GYS1: variants seen among roughly 807,000 people sequenced by gnomAD.
GYS1 encodes the protein glycogen [starch] synthase, muscle.
In GYS1, 60 loss-of-function variants were observed where a neutral mutation model predicts 89.1. That is an observed-to-expected ratio of 0.67 (90% CI 0.55 to 0.84). GYS1 has a LOEUF of 0.84. Among genes scored for constraint, GYS1 ranks in the 40% least tolerant of loss-of-function variants. The probability of loss-of-function intolerance (pLI) is 0.00; values close to 1 mark genes in which losing one functional copy is unlikely to be tolerated. For missense variants in GYS1, 888 were observed against 1,003.1 expected, an observed-to-expected ratio of 0.89 and a Z score of 1.55; for synonymous variants, 366 against 401.7, an observed-to-expected ratio of 0.91 and a Z score of 1.06.
intron 7 of GYS1, 43 bp downstream of exon 7, chr19:48,982,211 CT>C: frequency 6.2e-7 from 1 of 1,607,272 alleles, no homozygotes; most frequent in Non-Finnish European, 8.5e-7. Context: ...TAGTTATAAA[CT>C]GCTTTGCTTG....
chr19:48,985,579 C>T lies in GYS1; in HGVS notation c.705G>A (p.Glu235=). 3 of 1,614,042 alleles carry T rather than the reference C, an allele frequency of 1.9e-6. No individual in the cohort carries two copies. The highest frequency in any genetic ancestry group is 2.5e-6 in the Non-Finnish European group (3 of 1,179,946). ...TGCAGTATCGGTGGTAGATCTGCCTCTCCCCTGCTTCCTTGTCCACGTTGA... is the reference window on the plus strand; with the variant it reads ...TGCAGTATCGGTGGTAGATCTGCCTTTCCCCTGCTTCCTTGTCCACGTTGA... The part of the protein sequence containing the change: ...ENFNVDKEAG[E]RQIYHRYCME... The change falls in exon 5 of 16, where the codon GAG becomes GAA. Residue 235 remains glutamate (E), a synonymous_variant. Transcript: ENST00000323798.
At position 48,978,142 on chromosome 19, in the gene GYS1, C is replaced by A. The variant is rs777198699; in HGVS notation, c.1185G>T (p.Thr395=). The part of the protein sequence containing the change: ...VRKQLWDTAN[T]VKEKFGRKLY... Reference sequence around the variant, plus strand: ...GCTTCCTCCCGAACTTTTCCTTCACCGTGTTGGCCGTGTCCCTGGAGGAAG... The same window carrying A: ...GCTTCCTCCCGAACTTTTCCTTCACAGTGTTGGCCGTGTCCCTGGAGGAAG... The change falls in exon 9 of 16, where the codon ACG becomes ACT. Residue 395 remains threonine (T), a synonymous_variant. Coordinates refer to ENST00000323798, the MANE Select transcript of GYS1 (RefSeq NM_002103.5). 2.5e-6 allele frequency: 4 copies of A among 1,613,948 alleles called. No homozygotes were observed. In the Admixed American group the frequency reaches 6.7e-5, roughly 27 times the overall value.
At chr19:48,981,340 G>A in intron 8 of GYS1, 190 bp downstream of exon 8, 1 of 594,748 alleles carries the variant, frequency 1.7e-6, no homozygotes, top group Non-Finnish European at 3.1e-6. Context: ...TTGAACCCAG[G>A]AGGTGGAGGT....
At chr19:48,981,662 G>T in intron 7 of GYS1, 26 bp from the exon 8 acceptor site, 3 of 1,371,860 alleles carry the variant, frequency 2.2e-6, no homozygotes, top group Non-Finnish European at 3.1e-6. Context: ...GGAGGGGGAG[G>T]CCAGGATCAT....
chr19:48,988,796 T>G (rs2038878978), intron 2 of GYS1, among the ~76,000 whole-genome samples: 1 of 152,068 alleles, frequency 6.6e-6, no homozygotes, highest in Non-Finnish European at 1.5e-5. Context: ...TTAACTTTTT[T>G]GTAAGGACAG....
chr19:48,973,710 G>A (rs1169270065), intron 12 of GYS1, among the ~76,000 whole-genome samples: 1 of 151,844 alleles, frequency 6.6e-6, no homozygotes, highest in Admixed American at 6.6e-5. Context: ...GTAGAGACAG[G>A]GTTTCACTAT....
chr19:48,985,552 C>T lies in GYS1; in HGVS notation c.732G>A (p.Met244Ile). 3 of 1,614,114 alleles carry T rather than the reference C, an allele frequency of 1.9e-6. No individual in the cohort carries two copies. Among genetic ancestry groups the T allele is most frequent in the Non-Finnish European group, 2.5e-6 (3 of 1,179,964 alleles). ...GERQIYHRYC[M>I]ERAAAHCAHV... is the part of the protein sequence containing the mutation. The stretch of plus-strand genomic sequence containing the variant: ...GAGCGCAGTGGGCTGCCGCCCTTTC[C>T]ATGCAGTATCGGTGGTAGATCTGCC... Residue 244 changes from methionine to isoleucine, a missense_variant, in exon 5 of 16, where the codon ATG (methionine) becomes ATA (isoleucine). Physicochemically the swap from Met to Ile is conservative, Grantham distance 10. Coordinates refer to ENST00000323798, the MANE Select transcript of GYS1 (RefSeq NM_002103.5).
chr19:48,981,123 A>AC (rs2038754815), intron 8 of GYS1, among the ~76,000 whole-genome samples: 1 of 146,942 alleles, frequency 6.8e-6, no homozygotes, highest in African/African-American at 2.5e-5. Flanking sequence ...AAAATAAAAA[A>AC]AAAAAAGAGG....
intron 2 of GYS1, among the ~76,000 whole-genome samples, chr19:48,990,898 G>GA (rs2038915716): frequency 1.3e-5 from 2 of 152,172 alleles, no homozygotes; most frequent in Non-Finnish European, 2.9e-5. Flanking sequence ...GGGTTCAAGC[G>GA]ATTCTCCTGC....
intron 8 of GYS1, 148 bp from the exon 9 acceptor site, chr19:48,978,305 A>G (rs1600139113): frequency 1.4e-6 from 1 of 711,652 alleles, no homozygotes; most frequent in East Asian, 2.7e-5. Context: ...GGCTCACTGC[A>G]ACCTCTGCCT....
At chr19:48,971,958 C>T (rs147817547) in intron 12 of GYS1, among the ~76,000 whole-genome samples, 3 of 150,310 alleles carry the variant, frequency 2.0e-5, no homozygotes, top group African/African-American at 7.3e-5. Context: ...ACCTCCTAGG[C>T]TCAAGCAATC....
At chr19:48,983,908 C>A (rs569882054) in intron 5 of GYS1, among the ~76,000 whole-genome samples, 1 of 152,266 alleles carries the variant, frequency 6.6e-6, no homozygotes, top group East Asian at 1.9e-4. Context: ...GGTCACCACC[C>A]CCACAGCCTT....
chr19:48,993,073 C>T lies in GYS1; in HGVS notation c.40G>A (p.Gly14Arg), dbSNP rs753758690. Reference protein sequence around the residue: ...NRTLSMSSLPGLEDWEDEFDL... With the variant: ...NRTLSMSSLPRLEDWEDEFDL... ...AATTCATCCTCCCAGTCCTCCAGTC[C>T]TGGCAGTGAGGACATGGACAAAGTG... Residue 14 changes from glycine (G) to arginine (R), a missense_variant, in exon 1 of 16, where the codon GGA (glycine) becomes AGA (arginine). Transcript: ENST00000323798. The T allele has an allele frequency of 6.2e-7, 1 of 1,613,122 alleles. No individual in the cohort carries two copies. Among genetic ancestry groups the T allele is most frequent in the Non-Finnish European group, 8.5e-7 (1 of 1,179,248 alleles).
intron 6 of GYS1, 116 bp downstream of exon 6, chr19:48,982,604 G>A: frequency 2.2e-6 from 2 of 892,260 alleles, no homozygotes; most frequent in Non-Finnish European, 3.7e-6. Flanking sequence ...GAATACCCAG[G>A]TGCCCCCTCC....
rs763924615 is a variant in GYS1 at position 48,969,040 on chromosome 19, G to T, written c.*248C>A. 2 of 656,924 alleles carry T rather than the reference G, an allele frequency of 3.0e-6. No homozygotes were observed. The highest frequency in any genetic ancestry group is 2.8e-6 in the Non-Finnish European group (1 of 362,948). 40.7% of individuals were successfully genotyped at this position (656,924 alleles called of 1,614,324 possible). A position where few individuals can be genotyped will look rare whatever the true frequency, so the allele number is the denominator to read the frequency against. ...TCCTGGCCTCTGGGAAGCGGTCCAG[G>T]CCCAGGGGACTCCAGGGCGCTGATT... On this transcript the variant is annotated 3_prime_UTR_variant, in exon 16 of 16. Transcript: ENST00000323798.
chr19:48,971,138 G>C (rs2038559451), intron 12 of GYS1, 115 bp from the exon 13 acceptor site: 5 of 767,302 alleles, frequency 6.5e-6, no homozygotes, highest in Non-Finnish European at 1.2e-5. Context: ...GCCAGGCGCT[G>C]TGCGGAGCGT....
chr19:48,991,514 C>T lies in GYS1; in HGVS notation c.119-31G>A, dbSNP rs76843656. On this transcript the variant is annotated intron_variant, in intron 1 of 15. Transcript: ENST00000323798. The surrounding 1 kb of genome is among the most constrained non-coding windows in gnomAD (Gnocchi z 4.7). ...GGCCCAAGCGTGTGAGGGCAGGCCC[C>T]GGCCGAGGTCCATAGTTCTGGGGCC... 8.2e-4 allele frequency: 1,175 copies of T among 1,431,058 alleles called. 4 individuals are homozygous for T. The African/African-American group carries it at 0.013, about 16-fold the overall frequency. 88.6% of individuals were successfully genotyped at this position (1,431,058 alleles called of 1,614,324 possible). A position where few individuals can be genotyped will look rare whatever the true frequency, so the allele number is the denominator to read the frequency against.
chr19:48,986,252 C>A (rs1023049139), intron 3 of GYS1, among the ~76,000 whole-genome samples: 1 of 152,108 alleles, frequency 6.6e-6, no homozygotes, highest in Non-Finnish European at 1.5e-5. Flanking sequence ...GTGACTGCCT[C>A]CTCAGGGGTT....
At position 48,991,181 on chromosome 19, in the gene GYS1, G is replaced by A; in HGVS notation, c.300+121C>T. Reference sequence around the variant, plus strand: ...GGGTGTCCTATCACGCCTCCTTCCTGTGTCCAAGCCTGCCTCGCTCTCTGG... The same window carrying A: ...GGGTGTCCTATCACGCCTCCTTCCTATGTCCAAGCCTGCCTCGCTCTCTGG... On this transcript the variant is annotated intron_variant, in intron 2 of 15. Coordinates refer to ENST00000323798, the MANE Select transcript of GYS1 (RefSeq NM_002103.5). The surrounding 1 kb of genome is among the most constrained non-coding windows in gnomAD (Gnocchi z 4.7). 9.2e-7 allele frequency: 1 copy of A among 1,087,040 alleles called. No homozygotes were observed. Among genetic ancestry groups the A allele is most frequent in the Non-Finnish European group, 1.4e-6 (1 of 718,720 alleles). 67.3% of individuals were successfully genotyped at this position (1,087,040 alleles called of 1,614,324 possible).
Sources: gnomAD v4.1 joint callset for allele counts (sites outside exome capture counted in the v4.1 genomes callset) on GRCh38, gnomAD v4.1.1 for gene constraint, Gnocchi (gnomAD v3.1) non-coding constraint, MANE v1.5 for transcripts, NCBI Gene and HGNC (gene_info 2026-07-23, HGNC 2026-07-21) for gene names.